The following MRPL1 variants were observed in gnomAD, a reference collection of about 807,000 sequenced individuals.
MRPL1 encodes the protein mitochondrial ribosomal protein L1.
A neutral mutation model predicts 38.0 loss-of-function variants in MRPL1; 28 were observed. The observed-to-expected ratio is 0.74, with a 90% CI of 0.55 to 1.01. The LOEUF is 1.01. MRPL1 is among the 50% of genes least tolerant of loss of function. The probability of loss-of-function intolerance (pLI) is 0.00; values close to 1 mark genes in which losing one functional copy is unlikely to be tolerated. For synonymous variants in MRPL1, 123 were observed against 126.7 expected, an observed-to-expected ratio of 0.97 and a Z score of 0.20; for missense variants, 358 against 389.8, an observed-to-expected ratio of 0.92 and a Z score of 0.69.
At chr4:77,887,730 G>A (rs1027965320) in intron 5 of MRPL1, among the ~76,000 whole-genome samples, 17 of 152,080 alleles carry the variant, frequency 1.1e-4, no homozygotes, top group Non-Finnish European at 2.5e-4. Context: ...TGTTGCCCAG[G>A]CTGGTCTTGA....
intron 7 of MRPL1, among the ~76,000 whole-genome samples, chr4:77,927,147 T>C (rs912393195): frequency 7.2e-5 from 11 of 152,156 alleles, no homozygotes; most frequent in Admixed American, 4.6e-4. Context: ...AAAATTAATG[T>C]GAATTAGTGG....
At chr4:77,934,525 AAAAAT>A (rs1461994599) in intron 7 of MRPL1, among the ~76,000 whole-genome samples, 10 of 152,238 alleles carry the variant, frequency 6.6e-5, no homozygotes, top group African/African-American at 2.2e-4. Context: ...TATTATTTAA[AAAAAT>A]AAAATAACAA....
At chr4:77,889,981 A>G (rs1335813521) in intron 5 of MRPL1, among the ~76,000 whole-genome samples, 1 of 152,222 alleles carries the variant, frequency 6.6e-6, no homozygotes, top group African/African-American at 2.4e-5. Flanking sequence ...AATTGAGGCA[A>G]TAATTAATAG....
chr4:77,880,770 C>A (rs1342548505), intron 2 of MRPL1, among the ~76,000 whole-genome samples: 1 of 152,190 alleles, frequency 6.6e-6, no homozygotes, highest in Admixed American at 6.5e-5. Flanking sequence ...TTTGTAAGCA[C>A]CTTGTTAGCT....
intron 6 of MRPL1, chr4:77,907,219 T>C (rs1423494390): frequency 1.0e-6 from 1 of 955,630 alleles, no homozygotes; most frequent in East Asian, 1.2e-4. Flanking sequence ...AGGTAAGTTA[T>C]GGTATAGTGG....
At chr4:77,924,765 C>T (rs750580590) in intron 7 of MRPL1, among the ~76,000 whole-genome samples, 74 of 152,238 alleles carry the variant, frequency 4.9e-4, no homozygotes, top group African/African-American at 9.4e-4. Context: ...TGGTACATAT[C>T]GGTACTCAGT....
intron 7 of MRPL1, among the ~76,000 whole-genome samples, chr4:77,922,237 A>G (rs531849814): frequency 1.2e-4 from 18 of 152,238 alleles, no homozygotes; most frequent in Non-Finnish European, 2.4e-4. Flanking sequence ...CTCTAAAAAC[A>G]TGACTTTTGA....
intron 7 of MRPL1, among the ~76,000 whole-genome samples, chr4:77,934,687 A>G (rs566863155): frequency 1.3e-5 from 2 of 152,354 alleles, no homozygotes; most frequent in African/African-American, 4.8e-5. Context: ...TTCTAGATAC[A>G]TACTGAAAAG....
At chr4:77,901,486 A>C (rs969265508) in intron 6 of MRPL1, among the ~76,000 whole-genome samples, 4 of 151,954 alleles carry the variant, frequency 2.6e-5, no homozygotes, top group Admixed American at 2.6e-4. Flanking sequence ...AAAAAACCCA[A>C]CTATATGCTG....
At chr4:77,921,412 A>G (rs1232027752) in intron 7 of MRPL1, among the ~76,000 whole-genome samples, 3 of 152,200 alleles carry the variant, frequency 2.0e-5, no homozygotes, top group Non-Finnish European at 4.4e-5. Flanking sequence ...CTGCCTCTCT[A>G]AATTGGAGGT....
chr4:77,915,640 C>T (rs1156523728), intron 7 of MRPL1, among the ~76,000 whole-genome samples: 1 of 152,148 alleles, frequency 6.6e-6, no homozygotes, highest in Non-Finnish European at 1.5e-5. Flanking sequence ...TCTCCAACTC[C>T]TGGGCCCAAG....
chr4:77,884,338 T>C (rs961688572), intron 3 of MRPL1, among the ~76,000 whole-genome samples: 1 of 152,152 alleles, frequency 6.6e-6, no homozygotes, highest in East Asian at 1.9e-4. Context: ...TCTAAAAATA[T>C]TGATCCTTCA....
chr4:77,906,234 A>G (rs938447299), intron 6 of MRPL1, among the ~76,000 whole-genome samples: 1 of 152,226 alleles, frequency 6.6e-6, no homozygotes, highest in African/African-American at 2.4e-5. Context: ...GGAAGAGGAC[A>G]GATTACATTG....
intron 7 of MRPL1, 151 bp from the exon 8 acceptor site, chr4:77,949,646 C>A (rs145375105): frequency 5.7e-4 from 260 of 455,366 alleles, no homozygotes; most frequent in Middle Eastern, 5.6e-4. Context: ...ATGTGGCATT[C>A]GAAACAAAGA....
Position 77,949,845 on chromosome 4 carries a change from A to C in MRPL1, c.826A>C (p.Asn276His). 6.2e-7 allele frequency: 1 copy of C among 1,611,658 alleles called. No homozygotes were observed. The highest frequency in any genetic ancestry group is 1.1e-5 in the South Asian group (1 of 90,674). Residue 276 changes from asparagine (N) to histidine (H), a missense_variant, in exon 8 of 9, where the codon AAT becomes CAT. By Grantham distance (68) the Asn-to-His change is moderately conservative. Transcript: ENST00000315567. The part of the protein sequence containing the change: ...QIAANLQAVI[N>H]EVCRHRPLNL... ...AGCTGCCAATCTGCAAGCAGTTATT[A>C]ATGAAGTTTGTAGGCACAGACCGCT... is the stretch of plus-strand genomic sequence containing the variant.
chr4:77,909,219 AC>A (rs1397729151), intron 6 of MRPL1, 46 bp from the exon 7 acceptor site: 1 of 1,096,040 alleles, frequency 9.1e-7, no homozygotes, highest in Non-Finnish European at 1.4e-6. Flanking sequence ...AGTAATTTTT[AC>A]TACTTATTTG....
rs1036400083 is a variant in MRPL1 at position 77,883,383 on chromosome 4, G to A, written c.285G>A (p.Gln95=). Residue 95 remains glutamine (Q), a synonymous_variant, in exon 3 of 9, where the codon CAG becomes CAA. Transcript: ENST00000315567. ...ATTTAAAACGCTTATACCCGAGACA[G>A]ATATATGAGGTGGAGAAAGCTGTTC... The part of the protein sequence containing the change: ...DVYLKRLYPR[Q]IYEVEKAVHL... 6.2e-7 allele frequency: 1 copy of A among 1,613,824 alleles called. No homozygotes were observed. Among genetic ancestry groups the A allele is most frequent in the African/African-American group, 1.3e-5 (1 of 74,898 alleles).
intron 1 of MRPL1, among the ~76,000 whole-genome samples, chr4:77,866,616 C>T (rs551670012): frequency 6.6e-6 from 1 of 152,220 alleles, no homozygotes; most frequent in African/African-American, 2.4e-5. Context: ...CTGCTGTAAC[C>T]AGCTGGCCTT....
intron 1 of MRPL1, among the ~76,000 whole-genome samples, chr4:77,868,537 G>C (rs1162442346): frequency 6.6e-6 from 1 of 152,122 alleles, no homozygotes; most frequent in Non-Finnish European, 1.5e-5. Context: ...CACCACGCCC[G>C]ACCTGGATAA....
Sources: gnomAD v4.1 joint callset for allele counts (sites outside exome capture counted in the v4.1 genomes callset) on GRCh38, gnomAD v4.1.1 for gene constraint, MANE v1.5 for transcripts, NCBI Gene and HGNC (gene_info 2026-07-23, HGNC 2026-07-21) for gene names.